Variants in MYO9B observed in about 807,000 individuals in gnomAD.
The protein encoded by MYO9B is myosin IXB, also known as unconventional myosin-IXb.
A neutral mutation model predicts 229.5 loss-of-function variants in MYO9B; 71 were observed. The observed-to-expected ratio is 0.31, with a 90% CI of 0.26 to 0.38. The LOEUF (loss-of-function observed/expected upper bound fraction) is 0.38. MYO9B is among the 10% of genes least tolerant of loss of function. The probability of loss-of-function intolerance (pLI) is 1.00; values close to 1 mark genes in which losing one functional copy is unlikely to be tolerated. For synonymous variants in MYO9B, 1,185 were observed against 1,235.8 expected, an observed-to-expected ratio of 0.96 and a Z score of 0.86; for missense variants, 2,255 against 2,920.5, an observed-to-expected ratio of 0.77 and a Z score of 5.25.
chr19:17,199,462 A>G (rs1173976340), intron 24 of MYO9B, among the ~76,000 whole-genome samples: 1 of 151,938 alleles, frequency 6.6e-6, no homozygotes, highest in East Asian at 1.9e-4. Flanking sequence ...TGCCAGTACA[A>G]AGAAAGGGCT....
intron 1 of MYO9B, among the ~76,000 whole-genome samples, chr19:17,083,796 A>G (rs1236960278): frequency 6.6e-6 from 1 of 151,574 alleles, no homozygotes; most frequent in Non-Finnish European, 1.5e-5. Flanking sequence ...GGTTACAGGC[A>G]CCCGCTACCA....
chr19:17,085,025 G>T (rs2057569360), intron 1 of MYO9B, among the ~76,000 whole-genome samples: 1 of 152,192 alleles, frequency 6.6e-6, no homozygotes, highest in Non-Finnish European at 1.5e-5. Context: ...AGCAGAGCCT[G>T]TTGAGACCTA....
rs747225326 is a variant in MYO9B at position 17,194,573 on chromosome 19, C to T, written c.3146C>T (p.Ser1049Leu). 6.7e-5 allele frequency: 108 copies of T among 1,612,488 alleles called. No individual in the cohort carries two copies. The highest frequency in any genetic ancestry group is 8.5e-5 in the Non-Finnish European group (100 of 1,179,804). The change falls in exon 22 of 40, where the codon TCG becomes TTG. Residue 1049 changes from serine (S) to leucine (L), a missense_variant. By Grantham distance (145) the Ser-to-Leu change is moderately radical (BLOSUM62 -2). Around this residue, in one of 7 missense-constraint regions of MYO9B, gnomAD observed 679 missense variants for 770.2 expected, o/e 0.88. Coordinates refer to ENST00000682292, the MANE Select transcript of MYO9B (RefSeq NM_004145.4). The stretch of plus-strand genomic sequence containing the variant: ...CACTCCAGCTTCAGCCAGATGATCT[C>T]GGAGAAGCAGAAGGCAGAAGAGAAG... ...LQRKSFSQMI[S>L]EKQKAEEKER...
intron 14 of MYO9B, among the ~76,000 whole-genome samples, chr19:17,180,341 A>ATC (rs1555701612): frequency 0.033 from 2,880 of 88,052 alleles, 405 homozygotes; most frequent in Middle Eastern, 0.071. Context: ...GATGGAAATA[A>ATC]TTTTTTTTTT....
chr19:17,188,831 A>C (rs1599407652), intron 19 of MYO9B, among the ~76,000 whole-genome samples: 1 of 152,066 alleles, frequency 6.6e-6, no homozygotes, highest in South Asian at 2.1e-4. Context: ...TGGACAACAT[A>C]GTGAGACCCC....
At chr19:17,202,507 C>T (rs1420790741) in intron 28 of MYO9B, among the ~76,000 whole-genome samples, 2 of 151,058 alleles carry the variant, frequency 1.3e-5, no homozygotes, top group African/African-American at 4.8e-5. Context: ...GCCACACCCA[C>T]CTGACATGCC....
intron 22 of MYO9B, 129 bp from the exon 23 acceptor site, chr19:17,197,663 C>A: frequency 9.6e-7 from 1 of 1,042,014 alleles, no homozygotes; most frequent in Non-Finnish European, 1.4e-6. Context: ...CCAAAACTGT[C>A]TCTAGACATT....
rs55885670 is a variant in MYO9B, at chr19:17,170,849, A to AAAAAG, written c.1794-1487_1794-1486insAAAAG. ...TAAAAATTAAAAAAAAAAAAAAAAA[A>AAAAAG]GTAGAGACGGCAGTAGGAGGAGCTA... On this transcript the variant is annotated intron_variant, in intron 11 of 39. Transcript: ENST00000682292. 4.7e-5 allele frequency among the ~76,000 whole-genome samples: 7 copies of AAAAAG among 149,660 alleles called. 2 individuals are homozygous for AAAAAG. The South Asian group carries it at 1.1e-3, about 23-fold the overall frequency.
At chr19:17,127,571 C>T (rs8104730) in intron 2 of MYO9B, among the ~76,000 whole-genome samples, 2,218 of 152,278 alleles carry the variant, frequency 0.015, 59 homozygotes, top group African/African-American at 0.049. Context: ...TCAAGTGATC[C>T]GCCCTCCTTG....
At chr19:17,186,126 C>T (rs1568291711) in intron 18 of MYO9B, 125 bp downstream of exon 18, 1 of 778,988 alleles carries the variant, frequency 1.3e-6, no homozygotes, top group Middle Eastern at 3.8e-4. Context: ...CATCCAGAGG[C>T]AGCCGGGGAT....
chr19:17,116,850 C>T (rs970595168), intron 2 of MYO9B, among the ~76,000 whole-genome samples: 4 of 152,166 alleles, frequency 2.6e-5, no homozygotes, highest in Non-Finnish European at 5.9e-5. Flanking sequence ...ACCCCACCGC[C>T]ACCCCCAAAT....
rs749238720 is a variant in MYO9B, at chr19:17,180,915, C to G, written c.2220-12C>G. On this transcript the variant is annotated splice_polypyrimidine_tract_variant and intron_variant, in intron 14 of 39. Transcript: ENST00000682292. ...CTTTCTGTCACTGCGCCCCCTCCACCCCTCCCCTCAGCGATTTGCATAACC... is the reference window on the plus strand; with the variant it reads ...CTTTCTGTCACTGCGCCCCCTCCACGCCTCCCCTCAGCGATTTGCATAACC... The G allele has an allele frequency of 6.3e-7, 1 of 1,587,812 alleles. No individual in the cohort carries two copies. Among genetic ancestry groups the G allele is most frequent in the Non-Finnish European group, 8.6e-7 (1 of 1,161,384 alleles).
Position 17,102,397 on chromosome 19 carries a change from T to A in MYO9B, c.680T>A (p.Leu227His). Residue 227 changes from leucine to histidine, a missense_variant, in exon 2 of 40, where the codon CTC becomes CAC. Leu to His is a moderately conservative substitution (Grantham distance 99, BLOSUM62 -3). Coordinates refer to ENST00000682292, the MANE Select transcript of MYO9B (RefSeq NM_004145.4). ...GCCGACGTGGCCTACTACACCATGC[T>A]CAGGAAGCGCGTGAACCAGTGCATC... ...ALADVAYYTMLRKRVNQCIVI... is the reference protein window; with the variant it reads ...ALADVAYYTMHRKRVNQCIVI... The A allele has an allele frequency of 6.2e-7, 1 of 1,613,854 alleles. No individual in the cohort carries two copies. Among genetic ancestry groups the A allele is most frequent in the Non-Finnish European group, 8.5e-7 (1 of 1,179,880 alleles).
chr19:17,172,336 C>T lies in MYO9B; in HGVS notation c.1794C>T (p.Asn598=). 1 of 1,613,898 alleles carries T rather than the reference C, an allele frequency of 6.2e-7. No homozygotes were observed. Among genetic ancestry groups the T allele is most frequent in the Non-Finnish European group, 8.5e-7 (1 of 1,179,830 alleles). ...GLFYLLDEES[N]FPHATSQTLL... ...CAAAGGTTCCATGTTCTGTTCCCAG[C>T]TTCCCCCACGCCACGAGCCAGACCC... Residue 598 remains asparagine (N), a splice_region_variant and synonymous_variant, in exon 12 of 40, where the codon AAC becomes AAT. Coordinates refer to ENST00000682292, the MANE Select transcript of MYO9B (RefSeq NM_004145.4). The surrounding 1 kb of genome is among the most constrained non-coding windows in gnomAD (Gnocchi z 8.2).
chr19:17,094,694 C>T (rs1056453238), intron 1 of MYO9B, among the ~76,000 whole-genome samples: 1 of 152,164 alleles, frequency 6.6e-6, no homozygotes, highest in Admixed American at 6.5e-5. Flanking sequence ...GTAATCCCAG[C>T]ACTTTGGGAG....
intron 14 of MYO9B, among the ~76,000 whole-genome samples, chr19:17,179,059 T>C (rs2072824701): frequency 6.8e-6 from 1 of 147,866 alleles, no homozygotes; most frequent in Non-Finnish European, 1.5e-5. Context: ...CTAGGGTTTC[T>C]CAACCTCAGC....
intron 35 of MYO9B, among the ~76,000 whole-genome samples, chr19:17,208,500 C>T (rs2073188683): frequency 6.6e-6 from 1 of 151,204 alleles, no homozygotes; most frequent in African/African-American, 2.4e-5. Flanking sequence ...GGCACGATCT[C>T]GGCTCACTGC....
intron 24 of MYO9B, among the ~76,000 whole-genome samples, 192 bp downstream of exon 24, chr19:17,198,500 C>T (rs961791833): frequency 3.3e-5 from 5 of 152,088 alleles, no homozygotes; most frequent in African/African-American, 9.7e-5. Flanking sequence ...TTTGGGATGC[C>T]GAGACGGGTG....
intron 30 of MYO9B, among the ~76,000 whole-genome samples, chr19:17,203,873 C>T (rs1167187753): frequency 6.6e-6 from 1 of 152,120 alleles, no homozygotes; most frequent in South Asian, 2.1e-4. Context: ...CCCCAGGCTC[C>T]TCACGGTCCC....
Sources: allele counts gnomAD v4.1 joint callset (sites outside exome capture counted in the v4.1 genomes callset), GRCh38; gene constraint gnomAD v4.1.1; regional missense constraint gnomAD v4.1.1; non-coding constraint Gnocchi (gnomAD v3.1); transcripts MANE v1.5; gene names NCBI Gene and HGNC (gene_info 2026-07-23, HGNC 2026-07-21).